RTN2: variants seen among roughly 807,000 people sequenced by gnomAD.
RTN2 encodes reticulon 2, also known as reticulon-2.
RTN2 carries 36 observed loss-of-function variants against 63.7 expected under a neutral mutation model. The observed-to-expected ratio is 0.56, with a 90% CI of 0.43 to 0.75. The LOEUF is 0.75. RTN2 is among the 30% of genes least tolerant of loss of function. The probability of loss-of-function intolerance (pLI) is 0.00; values close to 1 mark genes in which losing one functional copy is unlikely to be tolerated. For synonymous variants in RTN2, 312 were observed against 313.0 expected, an observed-to-expected ratio of 1.00 and a Z score of 0.03; for missense variants, 673 against 705.1, an observed-to-expected ratio of 0.95 and a Z score of 0.52.
At chr19:45,496,627 T>C (rs2122232634) in intron 1 of RTN2, 165 bp downstream of exon 1, 1 of 423,316 alleles carries the variant, frequency 2.4e-6, no homozygotes, top group East Asian at 3.7e-5. Context: ...CGGGTCAGGC[T>C]ACCCCCGTCG....
chr19:45,494,703 C>T lies in RTN2; in HGVS notation c.382G>A (p.Asp128Asn). The T allele has an allele frequency of 6.2e-7, 1 of 1,613,442 alleles. No homozygotes were observed. The highest frequency in any genetic ancestry group is 1.1e-5 in the South Asian group (1 of 91,084). ...SPEPGRRGDP[D>N]TAPPSERPLE... Reference sequence around the variant, plus strand: ...GGGCGCTCGGATGGAGGCGCGGTGTCAGGATCACCCCGTCGTCCAGGCTCC... The same window carrying T: ...GGGCGCTCGGATGGAGGCGCGGTGTTAGGATCACCCCGTCGTCCAGGCTCC... Residue 128 changes from aspartate to asparagine, a missense_variant, in exon 3 of 11, where the codon GAC becomes AAC. Physicochemically the swap from Asp to Asn is conservative, Grantham distance 23 (BLOSUM62 1). Transcript: ENST00000245923. The surrounding 1 kb of genome is among the most constrained non-coding windows in gnomAD (Gnocchi z 5.3).
rs1234855899 is a variant in RTN2 at position 45,485,622 on chromosome 19, G to A, written c.*86C>T. ...GGGAAAAGGCTCGGGCCGAGGAGGG[G>A]GGTGGGTGGGAACGGACAAGAGATG... is the stretch of plus-strand genomic sequence containing the variant. On this transcript the variant is annotated 3_prime_UTR_variant, in exon 11 of 11. Transcript: ENST00000245923. The A allele has an allele frequency of 1.9e-6, 2 of 1,077,664 alleles. No homozygotes were observed. Among genetic ancestry groups the A allele is most frequent in the East Asian group, 2.4e-5 (1 of 42,120 alleles). 66.8% of individuals were successfully genotyped at this position (1,077,664 alleles called of 1,614,324 possible). A position where few individuals can be genotyped will look rare whatever the true frequency, so the allele number is the denominator to read the frequency against.
rs763387041 is a variant in RTN2 at position 45,494,906 on chromosome 19, C to CG, written c.178dup (p.Arg60ProfsTer11). ...GGCGATGTAGGAGAAGGTCAGCTCC[C>CG]GGGGGGTGCCCCAGTCCTGCGACGT... is the stretch of plus-strand genomic sequence containing the variant. On this transcript the variant is annotated frameshift_variant, in exon 3 of 11. Transcript: ENST00000245923. LOFTEE classifies it high-confidence loss of function. This position sits in a 1 kb window ranked among gnomAD's most constrained non-coding sequence, Gnocchi z 5.3. The CG allele has an allele frequency of 1.9e-6, 3 of 1,612,650 alleles. No homozygotes were observed. Among genetic ancestry groups the CG allele is most frequent in the African/African-American group, 1.3e-5 (1 of 75,034 alleles).
chr19:45,487,452 A>C (rs1400547375), intron 9 of RTN2, among the ~76,000 whole-genome samples: 3 of 152,042 alleles, frequency 2.0e-5, no homozygotes, highest in African/African-American at 7.2e-5. Flanking sequence ...GCTGTGCTGG[A>C]GAAGGGGCTG....
chr19:45,491,632 C>T (rs1005362786), intron 5 of RTN2, among the ~76,000 whole-genome samples: 2 of 150,888 alleles, frequency 1.3e-5, no homozygotes, highest in African/African-American at 4.9e-5. Flanking sequence ...CCCGGGTTCA[C>T]GCCATTCTCC....
In RTN2 at chr19:45,490,780, T is replaced by G. The variant is rs560840902; in HGVS notation, c.1034-1227A>C. On this transcript the variant is annotated intron_variant, in intron 5 of 10. Coordinates refer to ENST00000245923, the MANE Select transcript of RTN2 (RefSeq NM_005619.5). ...TTGGTAGAGATGGGGTTTCACCATGTTGGCCAGGCTGGTCTCGAACTCCTG... is the reference window on the plus strand; with the variant it reads ...TTGGTAGAGATGGGGTTTCACCATGGTGGCCAGGCTGGTCTCGAACTCCTG... Among the ~76,000 whole-genome samples the G allele has an allele frequency of 2.6e-5, 4 of 152,102 alleles. No homozygotes were observed. The South Asian group carries it at 8.3e-4, about 32-fold the overall frequency.
In RTN2 at chr19:45,495,015, G is replaced by T; in HGVS notation, c.80-10C>A. 1.2e-6 allele frequency: 2 copies of T among 1,613,988 alleles called. No individual in the cohort carries two copies. Among genetic ancestry groups the T allele is most frequent in the Non-Finnish European group, 1.7e-6 (2 of 1,179,892 alleles). ...GAGTCGTCGTTCCCTCCTGCAGTGG[G>T]TGAAGGAGAGCCTTGTTTCCCTCAG... On this transcript the variant is annotated splice_polypyrimidine_tract_variant and intron_variant, in intron 2 of 10. Transcript: ENST00000245923.
In RTN2 at chr19:45,486,174, T is replaced by C. The variant is rs1023658967; in HGVS notation, c.1498-61A>G. 80 of 1,478,154 alleles carry C rather than the reference T, an allele frequency of 5.4e-5. No individual in the cohort carries two copies. In the African/African-American group the frequency reaches 9.5e-4, roughly 18 times the overall value. 91.6% of individuals were successfully genotyped at this position (1,478,154 alleles called of 1,614,324 possible). A position where few individuals can be genotyped will look rare whatever the true frequency, so the allele number is the denominator to read the frequency against. On this transcript the variant is annotated intron_variant, in intron 9 of 10. Transcript: ENST00000245923. ...GAGGGGTTTCTTCTCTTTAGTCACATAGGAGGCTGCTTCCTCCCCAACCTC... is the reference window on the plus strand; with the variant it reads ...GAGGGGTTTCTTCTCTTTAGTCACACAGGAGGCTGCTTCCTCCCCAACCTC...
rs1968281420 is a variant in RTN2 at position 45,496,773 on chromosome 19, CCA to C, written c.34+17_34+18del. ...GAACCTCTGGGGCCCACACCAGGCC[CCA>C]GTCTTCCTCTACTCACTGCAGTGGG... On this transcript the variant is annotated intron_variant, in intron 1 of 10. Transcript: ENST00000245923. 1 of 1,499,490 alleles carries C rather than the reference CCA, an allele frequency of 6.7e-7. No homozygotes were observed. The highest frequency in any genetic ancestry group is 1.3e-5 in the South Asian group (1 of 78,434). 92.9% of individuals were successfully genotyped at this position (1,499,490 alleles called of 1,614,324 possible). A position where few individuals can be genotyped will look rare whatever the true frequency, so the allele number is the denominator to read the frequency against.
chr19:45,493,536 C>T (rs563174668), intron 4 of RTN2, among the ~76,000 whole-genome samples, 158 bp from the exon 5 acceptor site: 9 of 152,158 alleles, frequency 5.9e-5, no homozygotes, highest in African/African-American at 2.2e-4. Context: ...TCAAAGGATC[C>T]TCCCGCCTCG....
Position 45,493,347 on chromosome 19 carries a change from C to G in RTN2, c.846G>C (p.Leu282Phe), listed in dbSNP as rs767163479. 4.3e-6 allele frequency: 7 copies of G among 1,609,526 alleles called. No individual in the cohort carries two copies. The South Asian group carries it at 7.7e-5, about 18-fold the overall frequency. Residue 282 changes from leucine (L) to phenylalanine (F), a missense_variant, in exon 5 of 11, where the codon TTG becomes TTC. Coordinates refer to ENST00000245923, the MANE Select transcript of RTN2 (RefSeq NM_005619.5). ...GTAMEWLKTS[L>F]LLAVYKTVPI... ...GAACCGTCTTGTAAACAGCCAAAAGCAATGATGTCTTTAACCATTCCATAG... is the reference window on the plus strand; with the variant it reads ...GAACCGTCTTGTAAACAGCCAAAAGGAATGATGTCTTTAACCATTCCATAG...
At position 45,485,704 on chromosome 19, in the gene RTN2, G is replaced by C. The variant is rs369143999; in HGVS notation, c.*4C>G. ...CAGGCGTCCTGCGGGCAGAGACACC[G>C]TTCTCATTCGGCTTTGGCTTTGGAT... On this transcript the variant is annotated 3_prime_UTR_variant, in exon 11 of 11. Transcript: ENST00000245923. 2.1e-5 allele frequency: 34 copies of C among 1,612,994 alleles called. No individual in the cohort carries two copies. Among genetic ancestry groups the C allele is most frequent in the Non-Finnish European group, 2.7e-5 (32 of 1,179,206 alleles).
At chr19:45,489,610 T>C (rs1401631630) in intron 5 of RTN2, 57 bp from the exon 6 acceptor site, 1 of 1,256,740 alleles carries the variant, frequency 8.0e-7, no homozygotes, top group Non-Finnish European at 1.1e-6. Flanking sequence ...TCTCCTCACC[T>C]CCCTTTCCCT....
rs1359221538 is a variant in RTN2, at chr19:45,493,084, T to G, written c.1033+76A>C. On this transcript the variant is annotated intron_variant, in intron 5 of 10. Coordinates refer to ENST00000245923, the MANE Select transcript of RTN2 (RefSeq NM_005619.5). ...AGATCAGTAATAAAAATGCTCCGGA[T>G]GTGCAGGAGATAAGGGCGAGTTTGG... 8.3e-6 allele frequency: 11 copies of G among 1,324,562 alleles called. 1 individual carries two copies. The African/African-American group carries it at 1.3e-4, about 16-fold the overall frequency. 82.1% of individuals were successfully genotyped at this position (1,324,562 alleles called of 1,614,324 possible).
rs1302880607 is a variant in RTN2 at position 45,486,128 on chromosome 19, G to C, written c.1498-15C>G. 2 of 1,613,020 alleles carry C rather than the reference G, an allele frequency of 1.2e-6. No homozygotes were observed. The highest frequency in any genetic ancestry group is 1.7e-6 in the Non-Finnish European group (2 of 1,179,130). Reference sequence around the variant, plus strand: ...TCGATCTGAGCCTGGGGAGACCAAAGAAAGGTGAAAGAAGGGATTGGAGGG... The same window carrying C: ...TCGATCTGAGCCTGGGGAGACCAAACAAAGGTGAAAGAAGGGATTGGAGGG... On this transcript the variant is annotated splice_polypyrimidine_tract_variant and intron_variant, in intron 9 of 10. Coordinates refer to ENST00000245923, the MANE Select transcript of RTN2 (RefSeq NM_005619.5).
intron 5 of RTN2, among the ~76,000 whole-genome samples, chr19:45,492,792 G>T (rs1365214279): frequency 6.6e-6 from 1 of 152,184 alleles, no homozygotes; most frequent in African/African-American, 2.4e-5. Context: ...CCTAGTGGCC[G>T]GCGCCGGTGG....
At chr19:45,490,757 G>C (rs995429797) in intron 5 of RTN2, among the ~76,000 whole-genome samples, 11 of 150,298 alleles carry the variant, frequency 7.3e-5, no homozygotes, top group African/African-American at 2.7e-4. Flanking sequence ...TTTATATTTT[G>C]GTAGAGATGG....
intron 9 of RTN2, among the ~76,000 whole-genome samples, chr19:45,487,935 T>C (rs1599906034): frequency 9.1e-6 from 1 of 110,000 alleles, no homozygotes; most frequent in African/African-American, 3.7e-5. Context: ...AGAGCGAGAC[T>C]CCATCTCAAA....
intron 5 of RTN2, among the ~76,000 whole-genome samples, chr19:45,491,207 A>T (rs867710152): frequency 0.019 from 2,458 of 132,688 alleles, 57 homozygotes; most frequent in African/African-American, 0.061. Flanking sequence ...TTTTTTTTTT[A>T]TTTTTAGAGG....
Sources: gnomAD v4.1 joint callset for allele counts (sites outside exome capture counted in the v4.1 genomes callset) on GRCh38, gnomAD v4.1.1 for gene constraint, Gnocchi (gnomAD v3.1) non-coding constraint, MANE v1.5 for transcripts, NCBI Gene and HGNC (gene_info 2026-07-23, HGNC 2026-07-21) for gene names.